The following INO80D variants were observed in gnomAD, a reference collection of about 807,000 sequenced individuals.
INO80D encodes INO80 complex subunit D.
Under a neutral mutation model 87.6 loss-of-function variants are expected in INO80D, and 21 were observed. That is an observed-to-expected ratio of 0.24 (90% confidence interval 0.17 to 0.35). The LOEUF (loss-of-function observed/expected upper bound fraction) is 0.35. Ranked by LOEUF, INO80D falls within the 10% of genes least tolerant of loss-of-function variation. INO80D has a pLI of 1.00. For missense variants in INO80D, 982 were observed against 1,280.7 expected (o/e 0.77, Z 3.56); for synonymous variants, 440 against 491.0 (o/e 0.90, Z 1.37).
At chr2:206,077,675 A>G (rs1459452580) in intron 1 of INO80D, among the ~76,000 whole-genome samples, 1 of 152,156 alleles carries the variant, frequency 6.6e-6, no homozygotes, top group Non-Finnish European at 1.5e-5. Context: ...TGTTACAGAA[A>G]CCCTGCATTA....
In INO80D at chr2:206,046,544, C is replaced by T; in HGVS notation, c.1033G>A (p.Ala345Thr). 1 of 1,613,588 alleles carries T rather than the reference C, an allele frequency of 6.2e-7. No individual in the cohort carries two copies. The highest frequency in any genetic ancestry group is 1.3e-5 in the African/African-American group (1 of 75,046). ...CTGAGGGTTTCCCGGATGGACCATGCAACCTGGTAGGGCGAGGCCTGCTCT... is the reference window on the plus strand; with the variant it reads ...CTGAGGGTTTCCCGGATGGACCATGTAACCTGGTAGGGCGAGGCCTGCTCT... ...DSEQASPYQV[A>T]WSIRETLRYQ... The change falls in exon 5 of 11, where the codon GCA becomes ACA. Residue 345 changes from alanine to threonine, a missense_variant. Ala to Thr is a moderately conservative substitution (Grantham distance 58). Coordinates refer to ENST00000403263, the MANE Select transcript of INO80D (RefSeq NM_017759.5).
At chr2:206,006,491 TGA>T (rs1208436988) in intron 10 of INO80D, among the ~76,000 whole-genome samples, 1 of 151,904 alleles carries the variant, frequency 6.6e-6, no homozygotes, top group South Asian at 2.1e-4. Context: ...GAGACCAGCC[TGA>T]CCAACATGGT....
At chr2:206,071,200 C>A (rs527980280) in intron 1 of INO80D, among the ~76,000 whole-genome samples, 4 of 145,004 alleles carry the variant, frequency 2.8e-5, no homozygotes, top group Non-Finnish European at 3.0e-5. Context: ...CTCAGGTGAT[C>A]CGCCTGCCTC....
intron 1 of INO80D, among the ~76,000 whole-genome samples, chr2:206,071,925 T>C (rs1172748615): frequency 6.6e-6 from 1 of 152,072 alleles, no homozygotes; most frequent in East Asian, 1.9e-4. Context: ...TAATTTAGGC[T>C]TTACTTCTCT....
rs1241811143 is a variant in INO80D, at chr2:205,998,365, A to G, written c.*6003T>C. On this transcript the variant is annotated 3_prime_UTR_variant, in exon 11 of 11. Coordinates refer to ENST00000403263, the MANE Select transcript of INO80D (RefSeq NM_017759.5). ...GCCCCAGGATATCCTTTTATTTTAT[A>G]TATCTGCAAGGTAGCAAAGGATAGC... The G allele has an allele frequency of 2.0e-5, 3 of 150,872 alleles. No homozygotes were observed. Among genetic ancestry groups the G allele is most frequent in the African/African-American group, 4.9e-5 (2 of 41,022 alleles). 9.3% of individuals were successfully genotyped at this position (150,872 alleles called of 1,614,324 possible). A position where few individuals can be genotyped will look rare whatever the true frequency, so the allele number is the denominator to read the frequency against.
intron 1 of INO80D, chr2:206,063,816 G>T (rs1395415621): frequency 6.6e-6 from 1 of 152,176 alleles, no homozygotes; most frequent in Non-Finnish European, 1.5e-5. Context: ...GAATGTCACA[G>T]GTAGCAGGTC....
intron 6 of INO80D, among the ~76,000 whole-genome samples, chr2:206,022,037 T>A (rs181033484): frequency 6.6e-6 from 1 of 152,274 alleles, no homozygotes; most frequent in Non-Finnish European, 1.5e-5. Flanking sequence ...TTTCATTTTT[T>A]AAACTTGCCT....
chr2:206,008,422 A>G (rs1688084997), intron 9 of INO80D, among the ~76,000 whole-genome samples: 1 of 151,394 alleles, frequency 6.6e-6, no homozygotes, highest in Admixed American at 6.6e-5. Flanking sequence ...CTGGGATTAC[A>G]GGTGCTCGCC....
Position 206,004,941 on chromosome 2 carries a change from A to C in INO80D, c.2511T>G (p.Ser837=), listed in dbSNP as rs1482089993. The C allele has an allele frequency of 1.9e-6, 3 of 1,613,834 alleles. No homozygotes were observed. The highest frequency in any genetic ancestry group is 2.5e-6 in the Non-Finnish European group (3 of 1,179,886). ...GSHYDSEHVP[S]PYSDHITSPH... is the part of the protein sequence containing the mutation. ...GAGAGGTGATATGGTCACTGTAGGG[A>C]GACGGCACATGCTCACTATCATAAT... The change falls in exon 11 of 11, where the codon TCT becomes TCG. Residue 837 remains serine (S), a synonymous_variant. Transcript: ENST00000403263. The surrounding 1 kb of genome is among the most constrained non-coding windows in gnomAD (Gnocchi z 4.9).
At chr2:206,066,257 A>G (rs1396049986) in intron 1 of INO80D, among the ~76,000 whole-genome samples, 3 of 151,246 alleles carry the variant, frequency 2.0e-5, no homozygotes, top group Non-Finnish European at 4.4e-5. Context: ...CGATGTCTCA[A>G]AAAAAAAATA....
intron 10 of INO80D, among the ~76,000 whole-genome samples, chr2:206,005,936 T>G (rs1409307219): frequency 6.6e-6 from 1 of 152,232 alleles, no homozygotes; most frequent in Non-Finnish European, 1.5e-5. Context: ...AAAGGCTGTG[T>G]AGAACAGGTC....
chr2:206,056,951 A>G lies in INO80D; in HGVS notation c.219-8T>C. On this transcript the variant is annotated splice_region_variant and splice_polypyrimidine_tract_variant and intron_variant, in intron 3 of 10. Coordinates refer to ENST00000403263, the MANE Select transcript of INO80D (RefSeq NM_017759.5). ...AAGTGGCTGTTGCAGTACCTTTAAA[A>G]TACACACATACATGGGAAAACAGTC... 1 of 1,566,650 alleles carries G rather than the reference A, an allele frequency of 6.4e-7. No individual in the cohort carries two copies. Among genetic ancestry groups the G allele is most frequent in the Admixed American group, 1.9e-5 (1 of 53,406 alleles).
chr2:206,057,638 T>G (rs1429181610), intron 3 of INO80D, among the ~76,000 whole-genome samples: 2 of 151,944 alleles, frequency 1.3e-5, no homozygotes, highest in Admixed American at 6.6e-5. Context: ...TCTTTCCAGC[T>G]GGAAAGAGTC....
chr2:206,076,565 C>T (rs1690121643), intron 1 of INO80D, among the ~76,000 whole-genome samples: 1 of 152,066 alleles, frequency 6.6e-6, no homozygotes, highest in South Asian at 2.1e-4. Context: ...GCTTATCACT[C>T]GAAAATATAA....
chr2:206,072,742 T>G (rs963094680), intron 1 of INO80D, among the ~76,000 whole-genome samples: 3 of 152,186 alleles, frequency 2.0e-5, no homozygotes, highest in Non-Finnish European at 4.4e-5. Context: ...TTGAATAAAC[T>G]ATTCCACAAT....
chr2:206,020,385 G>A (rs371377750), intron 6 of INO80D, among the ~76,000 whole-genome samples: 1 of 152,142 alleles, frequency 6.6e-6, no homozygotes, highest in African/African-American at 2.4e-5. Context: ...TAAACAGTCA[G>A]TGGTTGTTAG....
At chr2:206,022,380 T>TA (rs1049544529) in intron 6 of INO80D, among the ~76,000 whole-genome samples, 10 of 150,988 alleles carry the variant, frequency 6.6e-5, no homozygotes, top group Non-Finnish European at 1.2e-4. Flanking sequence ...AAATAAAAAA[T>TA]AAAAAAAAAT....
chr2:206,064,878 G>A (rs1559461181), intron 1 of INO80D, among the ~76,000 whole-genome samples: 2 of 151,158 alleles, frequency 1.3e-5, no homozygotes, highest in African/African-American at 2.4e-5. Context: ...CTTCTGGAGG[G>A]AAAAAAAATC....
intron 1 of INO80D, among the ~76,000 whole-genome samples, chr2:206,066,101 A>C (rs1689808530): frequency 6.6e-6 from 1 of 152,070 alleles, no homozygotes; most frequent in Non-Finnish European, 1.5e-5. Context: ...TTCTCCTAAA[A>C]ATACAAAAAT....
Sources: gnomAD v4.1 joint callset for allele counts (sites outside exome capture counted in the v4.1 genomes callset) on GRCh38, gnomAD v4.1.1 for gene constraint, Gnocchi (gnomAD v3.1) non-coding constraint, MANE v1.5 for transcripts, NCBI Gene and HGNC (gene_info 2026-07-23, HGNC 2026-07-21) for gene names.